Variants in CASKIN1 observed in about 807,000 individuals in gnomAD.
The protein encoded by CASKIN1 is CASK interacting protein 1.
Under a neutral mutation model 117.5 loss-of-function variants are expected in CASKIN1, and 42 were observed. The ratio of observed to expected loss-of-function variants is 0.36; its 90% CI spans 0.28 to 0.46. The LOEUF (loss-of-function observed/expected upper bound fraction) is 0.46, where lower values mean the gene tolerates loss of function less well. Ranked by LOEUF, CASKIN1 falls within the 20% of genes least tolerant of loss-of-function variation. The pLI is 1.00. For missense variants in CASKIN1, 2,083 were observed against 2,077.3 expected (o/e 1.00, Z -0.05); for synonymous variants, 1,148 against 961.7 (o/e 1.19, Z -3.59).
Position 2,181,479 on chromosome 16 carries a change from G to A in CASKIN1, c.1889C>T (p.Ala630Val), listed in dbSNP as rs752624487. The A allele has an allele frequency of 1.9e-6, 3 of 1,611,492 alleles. No individual in the cohort carries two copies. The African/African-American group carries it at 4.0e-5, about 22-fold the overall frequency. The change falls in exon 18 of 20, where the codon GCC becomes GTC. Residue 630 changes from alanine to valine, a missense_variant. Coordinates refer to ENST00000343516, the MANE Select transcript of CASKIN1 (RefSeq NM_020764.4). ...CTCAGGCGGGGGCGGCGACTCGATG[G>A]CCATCACTTCAAGAGACTGGGGCGC... ...RKAPQSLEVM[A>V]IESPPPPEPT... is the part of the protein sequence containing the mutation.
rs1596684470 is a variant in CASKIN1 at position 2,179,151 on chromosome 16, G to A, written c.3950C>T (p.Thr1317Met). The change falls in exon 19 of 20, where the codon ACG (threonine) becomes ATG (methionine). Residue 1317 changes from threonine to methionine, a missense_variant. This residue lies in a region of CASKIN1 where 1,818 missense variants were observed against 1,688.9 expected (regional missense o/e 1.08). Transcript: ENST00000343516. This position sits in a 1 kb window ranked among gnomAD's most constrained non-coding sequence, Gnocchi z 5.8. The stretch of plus-strand genomic sequence containing the variant: ...GGGGCTGGCGCCCAGCGAGGGCGGC[G>A]TACCGGGCGGCTTGGCGAGGGCGGC... ...PPAALAKPPG[T>M]PPSLGASPAK... The A allele has an allele frequency of 2.2e-5, 24 of 1,071,280 alleles. No individual in the cohort carries two copies. The South Asian group carries it at 7.9e-4, about 35-fold the overall frequency. The allele number at this position is 1,071,280 out of a possible 1,614,324, so 66.4% of individuals were successfully genotyped here. A position where few individuals can be genotyped will look rare whatever the true frequency, so the allele number is the denominator to read the frequency against.
In CASKIN1 at chr16:2,179,835, C is replaced by T; in HGVS notation, c.3533G>A (p.Arg1178His). ...SVYHNGTGTVRRRPASEQAGP... is the reference protein window; with the variant it reads ...SVYHNGTGTVHRRPASEQAGP... ...AGCCTGCTCCGAGGCCGGTCGGCGG[C>T]GCACGGTGCCAGTGCCATTATGGTA... The change falls in exon 18 of 20, where the codon CGC (arginine) becomes CAC (histidine). Residue 1178 changes from arginine (R) to histidine (H), a missense_variant. Arg to His is a conservative substitution (Grantham distance 29). Transcript: ENST00000343516. This position sits in a 1 kb window ranked among gnomAD's most constrained non-coding sequence, Gnocchi z 5.8. 6.3e-7 allele frequency: 1 copy of T among 1,599,606 alleles called. No homozygotes were observed. Among genetic ancestry groups the T allele is most frequent in the Middle Eastern group, 1.7e-4 (1 of 6,020 alleles).
In CASKIN1 at chr16:2,196,379, G is replaced by A; in HGVS notation, c.54C>T (p.Thr18=). 1 of 1,367,868 alleles carries A rather than the reference G, an allele frequency of 7.3e-7. No individual in the cohort carries two copies. 84.7% of individuals were successfully genotyped at this position (1,367,868 alleles called of 1,614,324 possible). A position where few individuals can be genotyped will look rare whatever the true frequency, so the allele number is the denominator to read the frequency against. The stretch of plus-strand genomic sequence containing the variant: ...GCGGCCTCTGCAGCAGCCTCTGCGC[G>A]GTCCCTACGTCCTCCGCCTTCACCG... ...VQAVKAEDVG[T]AQRLLQRPRP... The change falls in exon 1 of 20, where the codon ACC becomes ACT. Residue 18 remains threonine, a synonymous_variant. Coordinates refer to ENST00000343516, the MANE Select transcript of CASKIN1 (RefSeq NM_020764.4). The surrounding 1 kb of genome is among the most constrained non-coding windows in gnomAD (Gnocchi z 5.7).
chr16:2,181,149 C>G lies in CASKIN1; in HGVS notation c.2219G>C (p.Arg740Thr), dbSNP rs756675107. 3 of 1,490,442 alleles carry G rather than the reference C, an allele frequency of 2.0e-6. No homozygotes were observed. The Admixed American group carries it at 7.3e-5, about 36-fold the overall frequency. The allele number at this position is 1,490,442 out of a possible 1,614,324, so 92.3% of individuals were successfully genotyped here. ...GCCGTGGCGGCCGGGCCGGGCCTCC[C>G]TGGGCGGGGTGCCGGGGGCGGGGCC... Reference protein sequence around the residue: ...DEGPAPGTPPREARPGRHGHS... With the variant: ...DEGPAPGTPPTEARPGRHGHS... The change falls in exon 18 of 20, where the codon AGG becomes ACG. Residue 740 changes from arginine (R) to threonine (T), a missense_variant. Physicochemically the swap from Arg to Thr is moderately conservative, Grantham distance 71. Around this residue, in one of 3 missense-constraint regions of CASKIN1, gnomAD observed 1,818 missense variants for 1,688.9 expected, o/e 1.08. Coordinates refer to ENST00000343516, the MANE Select transcript of CASKIN1 (RefSeq NM_020764.4).
intron 6 of CASKIN1, among the ~76,000 whole-genome samples, chr16:2,188,637 C>T (rs754747205): frequency 7.9e-5 from 12 of 152,182 alleles, no homozygotes; most frequent in South Asian, 2.1e-4. Flanking sequence ...AAGTGTGAGC[C>T]GCCGGGGCAC....
In CASKIN1 at chr16:2,186,942, C is replaced by G. The variant is rs188970135; in HGVS notation, c.930+36G>C. The G allele has an allele frequency of 3.5e-3, 5,698 of 1,610,598 alleles. 22 individuals carry two copies. Among genetic ancestry groups the G allele is most frequent in the Middle Eastern group, 6.4e-3 (39 of 6,050 alleles). On this transcript the variant is annotated intron_variant, in intron 9 of 19. Coordinates refer to ENST00000343516, the MANE Select transcript of CASKIN1 (RefSeq NM_020764.4). ...GGGTGCGCACGCCCAGGTGCCGCCCCCTCCCTGCTGAGATGGCCCCTGGGG... is the reference window on the plus strand; with the variant it reads ...GGGTGCGCACGCCCAGGTGCCGCCCGCTCCCTGCTGAGATGGCCCCTGGGG...
In CASKIN1 at chr16:2,189,584, T is replaced by C. The variant is rs751396442; in HGVS notation, c.245-20A>G. ...GCATGCCTGGGGGGCGAGGGGATGC[T>C]GGGAGCTGACCCTTGACCCCAAACC... is the stretch of plus-strand genomic sequence containing the variant. On this transcript the variant is annotated intron_variant, in intron 3 of 19. Transcript: ENST00000343516. The C allele has an allele frequency of 8.8e-6, 14 of 1,583,406 alleles. No individual in the cohort carries two copies. The highest frequency in any genetic ancestry group is 3.4e-5 in the Admixed American group (2 of 58,178).
chr16:2,179,453 A>G lies in CASKIN1; in HGVS notation c.3776-128T>C, dbSNP rs1392855210. 1 of 1,377,840 alleles carries G rather than the reference A, an allele frequency of 7.3e-7. No homozygotes were observed. Among genetic ancestry groups the G allele is most frequent in the Non-Finnish European group, 9.3e-7 (1 of 1,071,070 alleles). 85.4% of individuals were successfully genotyped at this position (1,377,840 alleles called of 1,614,324 possible). On this transcript the variant is annotated intron_variant, in intron 18 of 19. Coordinates refer to ENST00000343516, the MANE Select transcript of CASKIN1 (RefSeq NM_020764.4). This position sits in a 1 kb window ranked among gnomAD's most constrained non-coding sequence, Gnocchi z 5.8. Reference sequence around the variant, plus strand: ...CTGCTCACCTTGCCCCCAGCCCTGGATGGATGAGAGGGTCTGGGGACACGT... The same window carrying G: ...CTGCTCACCTTGCCCCCAGCCCTGGGTGGATGAGAGGGTCTGGGGACACGT...
intron 14 of CASKIN1, among the ~76,000 whole-genome samples, chr16:2,184,343 T>C (rs116235268): frequency 0.022 from 3,418 of 152,226 alleles, 133 homozygotes; most frequent in African/African-American, 0.075. Context: ...AGGTGGGCTC[T>C]GTGCCCACAG....
chr16:2,194,258 G>A (rs1596695879), intron 1 of CASKIN1, among the ~76,000 whole-genome samples: 1 of 152,282 alleles, frequency 6.6e-6, no homozygotes, highest in African/African-American at 2.4e-5. Context: ...TAGGGTCCGG[G>A]TCAGAGGGAA....
In CASKIN1 at chr16:2,180,424, G is replaced by C. The variant is rs1318099736; in HGVS notation, c.2944C>G (p.Gln982Glu). 2 of 1,570,276 alleles carry C rather than the reference G, an allele frequency of 1.3e-6. No homozygotes were observed. Among genetic ancestry groups the C allele is most frequent in the African/African-American group, 2.7e-5 (2 of 74,132 alleles). The change falls in exon 18 of 20, where the codon CAG (glutamine) becomes GAG (glutamate). Residue 982 changes from glutamine to glutamate, a missense_variant. This residue lies in a region of CASKIN1 where 1,818 missense variants were observed against 1,688.9 expected (regional missense o/e 1.08). Transcript: ENST00000343516. Reference sequence around the variant, plus strand: ...GCCAGGTCACTGGCCCGCCGGCACTGTGCCCGGACCCCCAGCAGGCCATCC... The same window carrying C: ...GCCAGGTCACTGGCCCGCCGGCACTCTGCCCGGACCCCCAGCAGGCCATCC... Reference protein sequence around the residue: ...PEDGLLGVRAQCRRASDLAGS... With the variant: ...PEDGLLGVRAECRRASDLAGS...
Position 2,188,799 on chromosome 16 carries a change from C to T in CASKIN1, c.617+228G>A. 7 of 582,352 alleles carry T rather than the reference C, an allele frequency of 1.2e-5. No homozygotes were observed. The South Asian group carries it at 1.4e-4, about 12-fold the overall frequency. 36.1% of individuals were successfully genotyped at this position (582,352 alleles called of 1,614,324 possible). A position where few individuals can be genotyped will look rare whatever the true frequency, so the allele number is the denominator to read the frequency against. On this transcript the variant is annotated intron_variant, in intron 6 of 19. Coordinates refer to ENST00000343516, the MANE Select transcript of CASKIN1 (RefSeq NM_020764.4). ...GAAGTTCAGCACCTCCTCGAGCACA[C>T]CCAGGAGCGGTGGGGCTGGGACAGA...
rs112557103 is a variant in CASKIN1, at chr16:2,196,123, G to C, written c.94+216C>G. On this transcript the variant is annotated intron_variant, in intron 1 of 19. Transcript: ENST00000343516. The surrounding 1 kb of genome is among the most constrained non-coding windows in gnomAD (Gnocchi z 5.7). ...GCGGGTGCCGCCAGGTGCCCGCTGC[G>C]GGGCTCACGGTGGCGGCCGGCTCTC... Among the ~76,000 whole-genome samples the C allele has an allele frequency of 0.013, 1,999 of 152,072 alleles. 11 individuals are homozygous for C. Among genetic ancestry groups the C allele is most frequent in the Non-Finnish European group, 0.021 (1,417 of 67,940 alleles).
intron 5 of CASKIN1, 33 bp downstream of exon 5, chr16:2,189,205 G>T: frequency 6.2e-7 from 1 of 1,612,788 alleles, no homozygotes; most frequent in Non-Finnish European, 8.5e-7. Flanking sequence ...GGGCTCCCCA[G>T]CCCCACCCCA....
rs781109737 is a variant in CASKIN1, at chr16:2,181,250, C to A, written c.2118G>T (p.Ser706=). ...GGGGCCCATCTCCCAGCAGCTCCTG[C>A]GAGCTGCTCATGTGCCGTGCCCGAC... is the stretch of plus-strand genomic sequence containing the variant. The part of the protein sequence containing the change: ...LGGRARHMSS[S]QELLGDGPPG... The change falls in exon 18 of 20, where the codon TCG becomes TCT. Residue 706 remains serine (S), a synonymous_variant. Coordinates refer to ENST00000343516, the MANE Select transcript of CASKIN1 (RefSeq NM_020764.4). The A allele has an allele frequency of 2.5e-6, 4 of 1,598,212 alleles. No homozygotes were observed. The highest frequency in any genetic ancestry group is 3.4e-6 in the Non-Finnish European group (4 of 1,178,228).
At position 2,196,032 on chromosome 16, in the gene CASKIN1, C is replaced by T. The variant is rs912639093; in HGVS notation, c.94+307G>A. 1.3e-5 allele frequency among the ~76,000 whole-genome samples: 2 copies of T among 151,976 alleles called. No individual in the cohort carries two copies. The highest frequency in any genetic ancestry group is 1.3e-4 in the Admixed American group (2 of 15,274). On this transcript the variant is annotated intron_variant, in intron 1 of 19. Coordinates refer to ENST00000343516, the MANE Select transcript of CASKIN1 (RefSeq NM_020764.4). The surrounding 1 kb of genome is among the most constrained non-coding windows in gnomAD (Gnocchi z 5.7). ...CAGCAGAGACCTCCAGCTGTCAGCC[C>T]GCAGCCTGGGAAGGGAGGGGGACAG...
rs201639603 is a variant in CASKIN1, at chr16:2,187,044, C to T, written c.864G>A (p.Ala288=). 8.8e-3 allele frequency: 14,229 copies of T among 1,613,656 alleles called. 94 individuals are homozygous for T. The highest frequency in any genetic ancestry group is 0.011 in the Non-Finnish European group (12,796 of 1,179,896). ...REASAALQVR[A]TKDYCNNYDL... ...CGTAATTGTTGCAATAATCCTTGGT[C>T]GCCCGGACCTGCAGGGCCGCTGAGG... The change falls in exon 9 of 20, where the codon GCG becomes GCA. Residue 288 remains alanine (A), a synonymous_variant. Coordinates refer to ENST00000343516, the MANE Select transcript of CASKIN1 (RefSeq NM_020764.4).
Position 2,178,652 on chromosome 16 carries a change from G to A in CASKIN1, c.4200-6C>T, listed in dbSNP as rs747823344. 1.9e-6 allele frequency: 3 copies of A among 1,584,832 alleles called. No homozygotes were observed. The Admixed American group carries it at 5.1e-5, about 27-fold the overall frequency. On this transcript the variant is annotated splice_region_variant and splice_polypyrimidine_tract_variant and intron_variant, in intron 19 of 19. Transcript: ENST00000343516. Reference sequence around the variant, plus strand: ...TCTTTTCCGCCGCCGAGTCGCTGCGGGGCGCGGGGCAAGGGGCGTGAGTGG... The same window carrying A: ...TCTTTTCCGCCGCCGAGTCGCTGCGAGGCGCGGGGCAAGGGGCGTGAGTGG...
chr16:2,183,955 G>A lies in CASKIN1; in HGVS notation c.1417-14C>T, dbSNP rs1384689468. On this transcript the variant is annotated splice_polypyrimidine_tract_variant and intron_variant, in intron 14 of 19. Transcript: ENST00000343516. ...GGCCTCAGAGCTCTGGAAGACACAA[G>A]GCACCCACTGCAGGCTCGCCTGCCC... The A allele has an allele frequency of 1.0e-5, 16 of 1,562,344 alleles. No individual in the cohort carries two copies. Among genetic ancestry groups the A allele is most frequent in the Non-Finnish European group, 1.3e-5 (15 of 1,149,602 alleles).
Sources: allele counts gnomAD v4.1 joint callset (sites outside exome capture counted in the v4.1 genomes callset), GRCh38; gene constraint gnomAD v4.1.1; regional missense constraint gnomAD v4.1.1; non-coding constraint Gnocchi (gnomAD v3.1); transcripts MANE v1.5; gene names NCBI Gene and HGNC (gene_info 2026-07-23, HGNC 2026-07-21).